Variants in OLFM3 observed in about 807,000 individuals in gnomAD.
The protein encoded by OLFM3 is olfactomedin 3.
In OLFM3, 20 loss-of-function variants were observed where a neutral mutation model predicts 48.6. The ratio of observed to expected loss-of-function variants is 0.41; its 90% CI spans 0.29 to 0.60. The LOEUF is 0.60. Among genes scored for constraint, OLFM3 ranks in the 20% least tolerant of loss-of-function variants. The pLI, the probability that OLFM3 is intolerant of heterozygous loss-of-function variation, is 0.28. For missense variants in OLFM3, 437 were observed against 544.3 expected (o/e 0.80, Z 1.96); for synonymous variants, 222 against 198.1 (o/e 1.12, Z -1.01).
intron 4 of OLFM3, among the ~76,000 whole-genome samples, chr1:101,808,559 T>A (rs746206690): frequency 2.0e-5 from 3 of 151,800 alleles, no homozygotes; most frequent in Non-Finnish European, 4.4e-5. Flanking sequence ...TACATCTTCA[T>A]CTGTAGATGC....
intron 1 of OLFM3, among the ~76,000 whole-genome samples, chr1:101,963,694 T>C (rs1660529392): frequency 6.6e-6 from 1 of 152,174 alleles, no homozygotes; most frequent in Admixed American, 6.5e-5. Context: ...CTATCCTTTT[T>C]ATATCATTGG....
chr1:101,949,862 G>C (rs981917949), intron 1 of OLFM3, among the ~76,000 whole-genome samples: 1 of 148,218 alleles, frequency 6.7e-6, no homozygotes, highest in Non-Finnish European at 1.5e-5. Context: ...CCCGGGAGGC[G>C]GAGCTTGCAG....
chr1:101,898,979 A>G (rs1658299273), intron 1 of OLFM3, among the ~76,000 whole-genome samples: 1 of 152,210 alleles, frequency 6.6e-6, no homozygotes, highest in African/African-American at 2.4e-5. Context: ...ACAGAAAAAA[A>G]GCAATTATAT....
At chr1:101,892,001 A>G (rs1557719407) in intron 1 of OLFM3, among the ~76,000 whole-genome samples, 2 of 152,016 alleles carry the variant, frequency 1.3e-5, no homozygotes, top group South Asian at 2.1e-4. Context: ...AATTAGGCAT[A>G]CTGAAGACAA....
chr1:101,806,661 C>T (rs976974549), intron 4 of OLFM3, among the ~76,000 whole-genome samples: 1 of 151,372 alleles, frequency 6.6e-6, no homozygotes, highest in African/African-American at 2.4e-5. Flanking sequence ...GAAGAAGCCC[C>T]CAAGAAAGAT....
chr1:101,995,419 T>C (rs929048420), intron 1 of OLFM3, among the ~76,000 whole-genome samples: 2 of 152,174 alleles, frequency 1.3e-5, no homozygotes, highest in Non-Finnish European at 2.9e-5. Context: ...CACCTTAGTA[T>C]ATAAAATATG....
At chr1:101,954,533 A>G (rs967092831) in intron 1 of OLFM3, among the ~76,000 whole-genome samples, 6 of 152,044 alleles carry the variant, frequency 3.9e-5, no homozygotes, top group African/African-American at 1.4e-4. Flanking sequence ...AGCTTTTGAT[A>G]ATTTCATAGC....
chr1:101,893,101 G>C (rs1351784391), intron 1 of OLFM3: 1 of 175,016 alleles, frequency 5.7e-6, no homozygotes, highest in Non-Finnish European at 1.2e-5. Context: ...TTTGGTTTCT[G>C]AAGAGGAGGA....
intron 1 of OLFM3, among the ~76,000 whole-genome samples, chr1:101,965,421 A>G (rs1221040261): frequency 2.6e-5 from 4 of 152,222 alleles, no homozygotes; most frequent in Admixed American, 6.5e-5. Context: ...CAGACTTGGC[A>G]GTACAACTGC....
chr1:101,824,082 T>G (rs1446876889), intron 4 of OLFM3, among the ~76,000 whole-genome samples: 2 of 152,152 alleles, frequency 1.3e-5, no homozygotes, highest in Admixed American at 1.3e-4. Context: ...CACTGAAGTT[T>G]TCTTTACTAG....
chr1:101,850,338 T>G (rs1294359404), intron 1 of OLFM3, among the ~76,000 whole-genome samples: 1 of 152,124 alleles, frequency 6.6e-6, no homozygotes, highest in Non-Finnish European at 1.5e-5. Flanking sequence ...AGATTTTTTA[T>G]AGTAGCCTGT....
chr1:101,837,190 G>T (rs1655466448), intron 1 of OLFM3, among the ~76,000 whole-genome samples, 165 bp from the exon 2 acceptor site: 2 of 152,128 alleles, frequency 1.3e-5, no homozygotes, highest in African/African-American at 4.8e-5. Context: ...AGGCAGTATA[G>T]CTTCATTCAG....
chr1:101,859,469 G>T (rs1656561839), intron 1 of OLFM3, among the ~76,000 whole-genome samples: 1 of 152,012 alleles, frequency 6.6e-6, no homozygotes, highest in African/African-American at 2.4e-5. Context: ...AAAGACAAGA[G>T]AGAGAAACAA....
chr1:101,989,005 A>C (rs142817847), intron 1 of OLFM3, among the ~76,000 whole-genome samples: 91 of 152,220 alleles, frequency 6.0e-4, no homozygotes, highest in African/African-American at 2.2e-3. Context: ...TACAAATATA[A>C]ATAAAACATC....
intron 1 of OLFM3, among the ~76,000 whole-genome samples, chr1:101,874,041 T>G (rs1034617617): frequency 3.9e-5 from 6 of 151,970 alleles, no homozygotes; most frequent in Admixed American, 1.3e-4. Context: ...CATGGCTTAT[T>G]ATCAGCAGAC....
At chr1:101,901,860 A>T (rs141589928) in intron 1 of OLFM3, among the ~76,000 whole-genome samples, 1 of 152,110 alleles carries the variant, frequency 6.6e-6, no homozygotes, top group Non-Finnish European at 1.5e-5. Flanking sequence ...TTTGATTTAA[A>T]TGCTACAGGT....
Position 101,835,903 on chromosome 1 carries a change from A to G in OLFM3, c.216+976T>C, listed in dbSNP as rs554697392. Among the ~76,000 whole-genome samples, 8 of 152,376 alleles carry G rather than the reference A, an allele frequency of 5.3e-5. No homozygotes were observed. The South Asian group carries it at 1.7e-3, about 32-fold the overall frequency. ...AGGAAACTTATTTTCACTATGTAGCAGTGGAAGAAAGTCACCATGGCAGCC... is the reference window on the plus strand; with the variant it reads ...AGGAAACTTATTTTCACTATGTAGCGGTGGAAGAAAGTCACCATGGCAGCC... On this transcript the variant is annotated intron_variant, in intron 2 of 5. Coordinates refer to ENST00000370103, the MANE Select transcript of OLFM3 (RefSeq NM_058170.4).
At chr1:101,937,747 A>C (rs1019206873) in intron 1 of OLFM3, among the ~76,000 whole-genome samples, 14 of 152,166 alleles carry the variant, frequency 9.2e-5, no homozygotes, top group Admixed American at 7.9e-4. Flanking sequence ...GATATACCAA[A>C]GTTCACTTTT....
At chr1:101,924,956 G>A (rs1659221759) in intron 1 of OLFM3, among the ~76,000 whole-genome samples, 1 of 152,204 alleles carries the variant, frequency 6.6e-6, no homozygotes, top group South Asian at 2.1e-4. Flanking sequence ...TGTGCACAGA[G>A]TGTTGTGGAT....
Sources: gnomAD v4.1 joint callset for allele counts (sites outside exome capture counted in the v4.1 genomes callset) on GRCh38, gnomAD v4.1.1 for gene constraint, MANE v1.5 for transcripts, NCBI Gene and HGNC (gene_info 2026-07-23, HGNC 2026-07-21) for gene names.